Variants in PRRC2C observed in about 807,000 individuals in gnomAD.
PRRC2C encodes protein PRRC2C.
Under a neutral mutation model 317.2 loss-of-function variants are expected in PRRC2C, and 72 were observed. The observed-to-expected ratio is 0.23, with a 90% CI of 0.19 to 0.28. PRRC2C has a LOEUF of 0.28. Among genes scored for constraint, PRRC2C ranks in the 10% least tolerant of loss-of-function variants. The probability of loss-of-function intolerance (pLI) is 1.00; values close to 1 mark genes in which losing one functional copy is unlikely to be tolerated. For missense variants in PRRC2C, 3,074 were observed against 3,459.7 expected (o/e 0.89, Z 2.80); for synonymous variants, 1,296 against 1,205.9 (o/e 1.07, Z -1.55).
chr1:171,498,349 G>A (rs777514639), intron 1 of PRRC2C, among the ~76,000 whole-genome samples: 2 of 152,180 alleles, frequency 1.3e-5, no homozygotes, highest in Non-Finnish European at 2.9e-5. Context: ...CAGGATCTCC[G>A]CCTCCAAGAT....
chr1:171,557,187 C>T, intron 18 of PRRC2C, 53 bp from the exon 19 acceptor site: 1 of 1,480,784 alleles, frequency 6.8e-7, no homozygotes, highest in Non-Finnish European at 9.0e-7. Flanking sequence ...CATTTATGAA[C>T]TGTTGCATTC....
At chr1:171,487,379 A>G (rs1273263777) in intron 1 of PRRC2C, among the ~76,000 whole-genome samples, 1 of 152,226 alleles carries the variant, frequency 6.6e-6, no homozygotes, top group Non-Finnish European at 1.5e-5. Context: ...ATTATAAACT[A>G]CAGTAACTAA....
intron 34 of PRRC2C, 170 bp from the exon 35 acceptor site, chr1:171,591,417 G>A: frequency 1.7e-6 from 1 of 585,328 alleles, no homozygotes; most frequent in Non-Finnish European, 2.6e-6. Flanking sequence ...TCAAAAATAG[G>A]AAGAAATCTA....
chr1:171,535,370 C>T, intron 12 of PRRC2C, 58 bp from the exon 13 acceptor site: 1 of 1,459,028 alleles, frequency 6.9e-7, no homozygotes, highest in Non-Finnish European at 9.2e-7. Context: ...TGTAAAAATC[C>T]TGTGTTTGAT....
In PRRC2C at chr1:171,591,673, C is replaced by G. The variant is rs921885245; in HGVS notation, c.8523C>G (p.Ala2841=). ...QQSKQIGGGK[A]QKVDSDSSKP... ...GCAAACAGATAGGAGGAGGCAAAGC[C>G]CAGAAAGTGGACAGTGATTCAAGTA... is the stretch of plus-strand genomic sequence containing the variant. Residue 2841 remains alanine, a synonymous_variant, in exon 35 of 35, where the codon GCC becomes GCG. Coordinates refer to ENST00000647382, the MANE Select transcript of PRRC2C (RefSeq NM_001387844.1). The G allele has an allele frequency of 4.3e-6, 7 of 1,613,610 alleles. No homozygotes were observed. The highest frequency in any genetic ancestry group is 5.9e-6 in the Non-Finnish European group (7 of 1,179,832).
At chr1:171,509,174 C>T (rs1168587055) in intron 1 of PRRC2C, among the ~76,000 whole-genome samples, 1 of 152,232 alleles carries the variant, frequency 6.6e-6, no homozygotes, top group Non-Finnish European at 1.5e-5. Context: ...CCAAAGCCAC[C>T]GTGCCCGGCC....
chr1:171,545,736 T>TATTC (rs144856960), intron 17 of PRRC2C, 49 bp downstream of exon 17: 185,205 of 1,088,802 alleles, frequency 0.17, 21,669 homozygotes, highest in East Asian at 0.49. Flanking sequence ...TTTATTTATT[T>TATTC]ATTTATTTAT....
intron 1 of PRRC2C, among the ~76,000 whole-genome samples, chr1:171,497,715 C>T (rs919345867): frequency 6.6e-6 from 1 of 152,170 alleles, no homozygotes; most frequent in Admixed American, 6.5e-5. Context: ...GTGGTCCTCC[C>T]ACCTTCGCCT....
intron 25 of PRRC2C, 133 bp downstream of exon 25, chr1:171,575,261 C>A: frequency 1.1e-6 from 1 of 911,466 alleles, no homozygotes; most frequent in Non-Finnish European, 1.6e-6. Flanking sequence ...TCCCAAAGTG[C>A]TGGGATTACA....
At chr1:171,579,992 A>C in intron 28 of PRRC2C, 28 bp downstream of exon 28, 4 of 1,462,726 alleles carry the variant, frequency 2.7e-6, no homozygotes, top group Non-Finnish European at 3.6e-6. Flanking sequence ...TATGTTTGTA[A>C]TGATGTTGAA....
At chr1:171,589,347 A>C in intron 33 of PRRC2C, 22 bp from the exon 34 acceptor site, 1 of 720,514 alleles carries the variant, frequency 1.4e-6, no homozygotes, top group Non-Finnish European at 1.9e-6. Flanking sequence ...TCAATGTTGT[A>C]TGTTTTGTTT....
Position 171,542,193 on chromosome 1 carries a change from G to A in PRRC2C, c.4727G>A (p.Arg1576Lys). 1.9e-6 allele frequency: 3 copies of A among 1,581,958 alleles called. No homozygotes were observed. Among genetic ancestry groups the A allele is most frequent in the South Asian group, 2.3e-5 (2 of 85,304 alleles). The stretch of plus-strand genomic sequence containing the variant: ...AATTTCTCAGGTCCTAGAAATGAAA[G>A]GAGAAGTGGCCCACCATCAAAAAGT... ...GRNFSGPRNE[R>K]RSGPPSKSGK... is the part of the protein sequence containing the mutation. Residue 1576 changes from arginine (R) to lysine (K), a missense_variant, in exon 16 of 35, where the codon AGG becomes AAG. By Grantham distance (26) the Arg-to-Lys change is conservative (BLOSUM62 2). Around this residue, in one of 11 missense-constraint regions of PRRC2C, gnomAD observed 178 missense variants for 163.0 expected, o/e 1.09. Transcript: ENST00000647382.
chr1:171,511,549 C>G (rs993397136), intron 1 of PRRC2C: 1 of 152,156 alleles, frequency 6.6e-6, no homozygotes, highest in African/African-American at 2.4e-5. Context: ...ATGAAGAGAA[C>G]ATAGAACGTT....
At chr1:171,573,140 C>T (rs761560655) in intron 24 of PRRC2C, among the ~76,000 whole-genome samples, 25 of 152,156 alleles carry the variant, frequency 1.6e-4, no homozygotes, top group Non-Finnish European at 2.9e-4. Flanking sequence ...GGCTTAGTCA[C>T]AGTTTCCAAG....
chr1:171,500,585 A>G (rs1668920081), intron 1 of PRRC2C, among the ~76,000 whole-genome samples: 2 of 152,080 alleles, frequency 1.3e-5, no homozygotes, highest in Admixed American at 6.6e-5. Context: ...TTTGTTAGAG[A>G]CAGTCTCACT....
intron 34 of PRRC2C, among the ~76,000 whole-genome samples, chr1:171,589,981 T>C (rs1651031465): frequency 9.6e-6 from 1 of 103,710 alleles, no homozygotes; most frequent in African/African-American, 2.8e-5. Context: ...CCCATTTTCT[T>C]TCTTTTTTTT....
chr1:171,589,511 G>A lies in PRRC2C; in HGVS notation c.8342G>A (p.Arg2781His), dbSNP rs1469203645. The change falls in exon 34 of 35, where the codon CGT (arginine) becomes CAT (histidine). Residue 2781 changes from arginine (R) to histidine (H), a missense_variant. Physicochemically the swap from Arg to His is conservative, Grantham distance 29. Around this residue, in one of 11 missense-constraint regions of PRRC2C, gnomAD observed 490 missense variants for 663.1 expected, o/e 0.74. Transcript: ENST00000647382. ...ACCACAGGCCTCATGAGCCATGCTC[G>A]TTTGCCACATGTAGCCAGGGGTCCT... ...PLTTGLMSHA[R>H]LPHVARGPCG... 21 of 1,289,680 alleles carry A rather than the reference G, an allele frequency of 1.6e-5. No homozygotes were observed. Among genetic ancestry groups the A allele is most frequent in the African/African-American group, 3.0e-5 (2 of 65,842 alleles). 79.9% of individuals were successfully genotyped at this position (1,289,680 alleles called of 1,614,324 possible). A position where few individuals can be genotyped will look rare whatever the true frequency, so the allele number is the denominator to read the frequency against.
intron 1 of PRRC2C, among the ~76,000 whole-genome samples, chr1:171,486,139 T>C (rs1007312094): frequency 7.7e-6 from 1 of 130,302 alleles, no homozygotes; most frequent in African/African-American, 3.1e-5. Context: ...TAGTGTCGGG[T>C]ATGCGTTTCC....
intron 10 of PRRC2C, among the ~76,000 whole-genome samples, chr1:171,525,489 A>T (rs1674386263): frequency 6.6e-6 from 1 of 152,208 alleles, no homozygotes; most frequent in Non-Finnish European, 1.5e-5. Context: ...ACTGGGAATA[A>T]AAAGGACTAC....
Sources: allele counts gnomAD v4.1 joint callset (sites outside exome capture counted in the v4.1 genomes callset), GRCh38; gene constraint gnomAD v4.1.1; regional missense constraint gnomAD v4.1.1; transcripts MANE v1.5; gene names NCBI Gene and HGNC (gene_info 2026-07-23, HGNC 2026-07-21).